The following C1QTNF3 variants were observed in gnomAD, a reference collection of about 807,000 sequenced individuals.
The protein encoded by C1QTNF3 is complement C1q tumor necrosis factor-related protein 3.
C1QTNF3 carries 26 observed loss-of-function variants against 32.6 expected under a neutral mutation model. The ratio of observed to expected loss-of-function variants is 0.80; its 90% CI spans 0.58 to 1.11. C1QTNF3 has a LOEUF of 1.11. C1QTNF3 is among the 50% of genes least tolerant of loss of function. The probability of loss-of-function intolerance (pLI) is 0.00; values close to 1 mark genes in which losing one functional copy is unlikely to be tolerated. For missense variants in C1QTNF3, 362 were observed against 398.2 expected (o/e 0.91, Z 0.77); for synonymous variants, 155 against 146.0 (o/e 1.06, Z -0.44).
chr5:34,080,982 C>G, the C1QTNF3 span, among the ~76,000 whole-genome samples: 1 of 151,818 alleles, frequency 6.6e-6, no homozygotes, highest in East Asian at 1.9e-4. Flanking sequence ...AAACCTTTCT[C>G]TAGATCAGTC....
the C1QTNF3 span, among the ~76,000 whole-genome samples, chr5:34,107,413 C>T: frequency 6.6e-6 from 1 of 151,068 alleles, no homozygotes; most frequent in Non-Finnish European, 1.5e-5. Flanking sequence ...ATCATAAGCC[C>T]CCATGATAAC....
chr5:34,230,002 GAGA>G, the C1QTNF3 span, among the ~76,000 whole-genome samples: 1 of 152,158 alleles, frequency 6.6e-6, no homozygotes, highest in African/African-American at 2.4e-5. Context: ...TGAACACAGA[GAGA>G]AGGAGGCCAT....
At chr5:34,102,829 G>GT in the C1QTNF3 span, among the ~76,000 whole-genome samples, 5 of 152,114 alleles carry the variant, frequency 3.3e-5, no homozygotes, top group African/African-American at 1.2e-4. Flanking sequence ...ACCGGGGCCT[G>GT]TTGTGGGGTG....
the C1QTNF3 span, among the ~76,000 whole-genome samples, chr5:34,203,142 C>A: frequency 2.6e-5 from 4 of 152,040 alleles, no homozygotes; most frequent in African/African-American, 7.2e-5. Context: ...ATGAAAGTAG[C>A]AAACTCATAG....
chr5:34,077,074 C>G, the C1QTNF3 span, among the ~76,000 whole-genome samples: 1 of 151,744 alleles, frequency 6.6e-6, no homozygotes, highest in African/African-American at 2.4e-5. Flanking sequence ...AAGAAATATA[C>G]TTTTTTGTTG....
chr5:34,218,779 T>A, the C1QTNF3 span, among the ~76,000 whole-genome samples: 5 of 152,096 alleles, frequency 3.3e-5, no homozygotes, highest in African/African-American at 1.2e-4. Context: ...GACCTTCATG[T>A]CCCATCTGCC....
At chr5:34,075,755 T>C in the C1QTNF3 span, among the ~76,000 whole-genome samples, 2 of 151,518 alleles carry the variant, frequency 1.3e-5, no homozygotes, top group South Asian at 2.1e-4. Context: ...TTTAAAAAAA[T>C]GAAATGCAGA....
the C1QTNF3 span, among the ~76,000 whole-genome samples, chr5:34,118,913 T>G: frequency 3.9e-5 from 6 of 152,202 alleles, no homozygotes; most frequent in Admixed American, 1.3e-4. Context: ...AACTTATATG[T>G]GTGTATACAT....
At chr5:34,047,324 A>C (rs1408807952), upstream of C1QTNF3, among the ~76,000 whole-genome samples, 3 of 152,266 alleles carry the variant, frequency 2.0e-5, no homozygotes, top group Non-Finnish European at 2.9e-5. Flanking sequence ...TACATGTAAA[A>C]GCCAGATCTG....
At chr5:34,044,320 A>G (rs2069989941), upstream of C1QTNF3, among the ~76,000 whole-genome samples, 1 of 152,110 alleles carries the variant, frequency 6.6e-6, no homozygotes, top group African/African-American at 2.4e-5. Flanking sequence ...TTACTCATTC[A>G]CTCGCTTAAG....
chr5:34,089,688 T>C, the C1QTNF3 span, among the ~76,000 whole-genome samples: 2 of 152,342 alleles, frequency 1.3e-5, no homozygotes, highest in East Asian at 3.9e-4. Flanking sequence ...CATAAAATAA[T>C]ATGATGAAAG....
the C1QTNF3 span, among the ~76,000 whole-genome samples, chr5:34,217,421 A>G: frequency 6.6e-6 from 1 of 152,132 alleles, no homozygotes; most frequent in African/African-American, 2.4e-5. Flanking sequence ...CATTTTCATC[A>G]GGAACCTATA....
At chr5:34,209,299 A>G in the C1QTNF3 span, among the ~76,000 whole-genome samples, 2 of 151,684 alleles carry the variant, frequency 1.3e-5, no homozygotes, top group Admixed American at 6.6e-5. Flanking sequence ...ATTTAAAGCA[A>G]TAACATTTTT....
chr5:34,213,696 A>ATATATATATGTGTATATATATGTG, the C1QTNF3 span, among the ~76,000 whole-genome samples: 1,091 of 127,060 alleles, frequency 8.6e-3, 28 homozygotes, highest in African/African-American at 0.033. Flanking sequence ...GTGTGTGTGT[A>ATATATATATGTGTATATATATGTG]TATATATATG....
At chr5:34,160,111 T>G in the C1QTNF3 span, among the ~76,000 whole-genome samples, 1 of 152,220 alleles carries the variant, frequency 6.6e-6, no homozygotes, top group African/African-American at 2.4e-5. Context: ...GTGTTTATTA[T>G]TCAGTACTGA....
chr5:34,135,254 C>A, the C1QTNF3 span, among the ~76,000 whole-genome samples: 1 of 152,096 alleles, frequency 6.6e-6, no homozygotes, highest in African/African-American at 2.4e-5. Context: ...GCCTTGCATC[C>A]CAGCGATGAA....
chr5:34,046,516 A>C (rs1036872598), upstream of C1QTNF3, among the ~76,000 whole-genome samples: 3 of 152,194 alleles, frequency 2.0e-5, no homozygotes, highest in African/African-American at 7.2e-5. Flanking sequence ...TTTACAAGCC[A>C]AGGAATACCA....
the C1QTNF3 span, among the ~76,000 whole-genome samples, chr5:34,120,060 A>G: frequency 6.6e-6 from 1 of 152,272 alleles, no homozygotes; most frequent in East Asian, 1.9e-4. Flanking sequence ...TGAGGAATGG[A>G]TTGTTCCTAA....
chr5:34,075,912 C>T, the C1QTNF3 span, among the ~76,000 whole-genome samples: 1 of 149,158 alleles, frequency 6.7e-6, no homozygotes, highest in African/African-American at 2.5e-5. Context: ...TGTATACACA[C>T]ACACACGGTG....
Sources: gnomAD v4.1 joint callset for allele counts (sites outside exome capture counted in the v4.1 genomes callset) on GRCh38, gnomAD v4.1.1 for gene constraint, MANE v1.5 for transcripts, NCBI Gene and HGNC (gene_info 2026-07-23, HGNC 2026-07-21) for gene names.